TRPM2: variants seen among roughly 807,000 people sequenced by gnomAD.
TRPM2 encodes the protein transient receptor potential cation channel subfamily M member 2, also known as estrogen-responsive element-associated gene 1 protein.
A neutral mutation model predicts 174.0 loss-of-function variants in TRPM2; 161 were observed. The observed-to-expected ratio is 0.93, with a 90% CI of 0.81 to 1.05. The LOEUF is 1.05. TRPM2 is among the 50% of genes least tolerant of loss of function. The pLI is 0.00. For synonymous variants in TRPM2, 954 were observed against 861.3 expected, an observed-to-expected ratio of 1.11 and a Z score of -1.88; for missense variants, 2,057 against 2,038.0, an observed-to-expected ratio of 1.01 and a Z score of -0.18.
In TRPM2 at chr21:44,441,976, G is replaced by A; in HGVS notation, c.*159G>A. 3 of 1,102,472 alleles carry A rather than the reference G, an allele frequency of 2.7e-6. No homozygotes were observed. The highest frequency in any genetic ancestry group is 3.6e-6 in the Non-Finnish European group (3 of 826,898). The allele number at this position is 1,102,472 out of a possible 1,614,324, so 68.3% of individuals were successfully genotyped here. On this transcript the variant is annotated 3_prime_UTR_variant, in exon 32 of 32. Transcript: ENST00000397928. ...CCCTCACGGCTGCCGCAAGTCTGCT[G>A]CAGATGACCTCATGAACTGGAAGGG...
chr21:44,425,772 A>G lies in TRPM2; in HGVS notation c.3740A>G (p.Tyr1247Cys), dbSNP rs1327417593. Residue 1247 changes from tyrosine to cysteine, a missense_variant, in exon 25 of 32, where the codon TAC becomes TGC. Physicochemically the swap from Tyr to Cys is radical, Grantham distance 194. Transcript: ENST00000397928. ...SYHVNARHLL[Y>C]PNCPVTRFPV... ...CACGTGAATGCCCGGCACCTCCTCT[A>G]CCCCAACTGCCCTGTCACGCGCTTC... The G allele has an allele frequency of 6.3e-7, 1 of 1,597,010 alleles. No individual in the cohort carries two copies. The highest frequency in any genetic ancestry group is 8.6e-7 in the Non-Finnish European group (1 of 1,169,448).
At chr21:44,398,528 GTGGGTAGGGGGCC>G (rs991925777) in intron 13 of TRPM2, among the ~76,000 whole-genome samples, 158 of 152,224 alleles carry the variant, frequency 1.0e-3, no homozygotes, top group African/African-American at 3.4e-3. Context: ...GGATAATTTG[GTGGGTAGGGGGCC>G]AGGCAGCGGG....
intron 9 of TRPM2, among the ~76,000 whole-genome samples, chr21:44,389,040 C>T (rs1268303060): frequency 6.6e-6 from 1 of 152,298 alleles, no homozygotes; most frequent in Non-Finnish European, 1.5e-5. Flanking sequence ...CAGGACATCT[C>T]CCCTATCCTG....
At chr21:44,409,860 A>G (rs1236882113) in intron 19 of TRPM2, among the ~76,000 whole-genome samples, 173 of 121,264 alleles carry the variant, frequency 1.4e-3, no homozygotes, top group African/African-American at 5.2e-3. Context: ...TTTTGACCAC[A>G]CTGTCTTGGC....
At position 44,369,159 on chromosome 21, in the gene TRPM2, C is replaced by T. The variant is rs1459252977; in HGVS notation, c.605-18C>T. Reference sequence around the variant, plus strand: ...CCCTCAGTGCTGTGGGGCCTGCCCACCCGTGCTCCTTCCCCAGGGGCCTGG... The same window carrying T: ...CCCTCAGTGCTGTGGGGCCTGCCCATCCGTGCTCCTTCCCCAGGGGCCTGG... On this transcript the variant is annotated intron_variant, in intron 4 of 31. Coordinates refer to ENST00000397928, the MANE Select transcript of TRPM2 (RefSeq NM_003307.4). 2 of 1,586,952 alleles carry T rather than the reference C, an allele frequency of 1.3e-6. No homozygotes were observed. Among genetic ancestry groups the T allele is most frequent in the East Asian group, 4.5e-5 (2 of 44,246 alleles).
Position 44,386,915 on chromosome 21 carries a change from T to A in TRPM2, c.1319-3989T>A, listed in dbSNP as rs568583507. Reference sequence around the variant, plus strand: ...GTAAAGAAAGACATAGAGGGCTGGGTGTGGTGGCTCATGCCTGTAATCCCA... The same window carrying A: ...GTAAAGAAAGACATAGAGGGCTGGGAGTGGTGGCTCATGCCTGTAATCCCA... On this transcript the variant is annotated intron_variant, in intron 9 of 31. Transcript: ENST00000397928. Among the ~76,000 whole-genome samples the A allele has an allele frequency of 1.0e-3, 159 of 152,166 alleles. 3 individuals carry two copies. The South Asian group carries it at 0.023, about 22-fold the overall frequency.
At chr21:44,429,272 C>CTTTTTTTTTTTTTTTTTTTT (rs1601245878) in intron 27 of TRPM2, among the ~76,000 whole-genome samples, 1 of 62,342 alleles carries the variant, frequency 1.6e-5, no homozygotes, top group African/African-American at 5.7e-5. Flanking sequence ...ACATTTTTTT[C>CTTTTTTTTTTTTTTTTTTTT]TTTTTCTTTT....
At chr21:44,407,607 G>A (rs996034777) in intron 19 of TRPM2, among the ~76,000 whole-genome samples, 9 of 151,574 alleles carry the variant, frequency 5.9e-5, no homozygotes, top group African/African-American at 1.9e-4. Context: ...AGTCACTCCC[G>A]TTCCCCTCCC....
intron 19 of TRPM2, among the ~76,000 whole-genome samples, chr21:44,410,667 G>A (rs1315911769): frequency 4.2e-5 from 3 of 71,526 alleles, no homozygotes; most frequent in Non-Finnish European, 6.9e-5. Flanking sequence ...CTTGGTGAGC[G>A]TAGCCTTATA....
chr21:44,426,726 C>T lies in TRPM2; in HGVS notation c.3862C>T (p.Pro1288Ser), dbSNP rs1474908734. 1.2e-6 allele frequency: 2 copies of T among 1,613,896 alleles called. No homozygotes were observed. The highest frequency in any genetic ancestry group is 1.7e-5 in the Admixed American group (1 of 60,006). The change falls in exon 26 of 32, where the codon CCC becomes TCC. Residue 1288 changes from proline to serine, a missense_variant. Physicochemically the swap from Pro to Ser is moderately conservative, Grantham distance 74. Transcript: ENST00000397928. ...GAGGAAGGACGCGGCCGCCATGGAC[C>T]CCATGGGAGAGTGAGTATGAGCCGC... ...AERKDAAAMD[P>S]MGDTLEPLST...
chr21:44,407,297 T>A (rs138116760), intron 19 of TRPM2, among the ~76,000 whole-genome samples: 1 of 148,218 alleles, frequency 6.7e-6, no homozygotes, highest in African/African-American at 2.5e-5. Context: ...GGCTAATTTT[T>A]GTATTTTTTG....
intron 9 of TRPM2, among the ~76,000 whole-genome samples, chr21:44,384,552 C>G (rs2048968939): frequency 1.3e-5 from 2 of 152,128 alleles, no homozygotes; most frequent in South Asian, 4.1e-4. Context: ...ATAACTAACC[C>G]ACTCCCAAAA....
In TRPM2 at chr21:44,400,316, G is replaced by T; in HGVS notation, c.2266G>T (p.Val756Leu). Residue 756 changes from valine (V) to leucine (L), a missense_variant, in exon 15 of 32, where the codon GTG (valine) becomes TTG (leucine). Val to Leu is a conservative substitution (Grantham distance 32, BLOSUM62 1). Transcript: ENST00000397928. ...QLSVDNGLWR[V>L]TLCMLAFPLL... ...CTCCGTGGACAATGGGCTGTGGCGT[G>T]TGACCCTGTGCATGCTGGCCTTCCC... The T allele has an allele frequency of 1.9e-6, 3 of 1,612,908 alleles. No individual in the cohort carries two copies. The highest frequency in any genetic ancestry group is 2.5e-6 in the Non-Finnish European group (3 of 1,179,906).
rs1417191851 is a variant in TRPM2, at chr21:44,391,285, AC to A, written c.1458del (p.Thr487ArgfsTer2). On this transcript the variant is annotated frameshift_variant, in exon 11 of 32. Transcript: ENST00000397928. LOFTEE classifies it high-confidence loss of function. The surrounding 1 kb of genome is among the most constrained non-coding windows in gnomAD (Gnocchi z 5.0). ...GCTTGCTCTCAGCCTTCAGATCTGC[AC>A]CCCACGATGACAGCTGCACTCATCT... is the stretch of plus-strand genomic sequence containing the variant. ...DEWQWKPSDL[H>X]PTMTAALISN... 6.2e-7 allele frequency: 1 copy of A among 1,613,590 alleles called. No homozygotes were observed. The highest frequency in any genetic ancestry group is 1.1e-5 in the South Asian group (1 of 91,064).
chr21:44,353,479 C>T (rs527543555), upstream of TRPM2: 1 of 554,244 alleles, frequency 1.8e-6, no homozygotes, highest in Admixed American at 4.6e-5. Flanking sequence ...GGACACAGCT[C>T]AGGCAGCTGG....
chr21:44,399,590 T>A lies in TRPM2; in HGVS notation c.2208+149T>A. Reference sequence around the variant, plus strand: ...GACAGCGCCTGACCCCTCGGCCACCTGCTCCAGGCTCTGGCCTCCCATTTT... The same window carrying A: ...GACAGCGCCTGACCCCTCGGCCACCAGCTCCAGGCTCTGGCCTCCCATTTT... On this transcript the variant is annotated intron_variant, in intron 14 of 31. Coordinates refer to ENST00000397928, the MANE Select transcript of TRPM2 (RefSeq NM_003307.4). The surrounding 1 kb of genome is among the most constrained non-coding windows in gnomAD (Gnocchi z 4.6). The A allele has an allele frequency of 9.0e-7, 1 of 1,106,304 alleles. No individual in the cohort carries two copies. Among genetic ancestry groups the A allele is most frequent in the Non-Finnish European group, 1.2e-6 (1 of 824,628 alleles). 68.5% of individuals were successfully genotyped at this position (1,106,304 alleles called of 1,614,324 possible).
chr21:44,352,865 C>A (rs1294401659), upstream of TRPM2, among the ~76,000 whole-genome samples: 1 of 152,200 alleles, frequency 6.6e-6, no homozygotes, highest in African/African-American at 2.4e-5. Context: ...CCCAAAACTT[C>A]CTTTCTAGGC....
At position 44,401,964 on chromosome 21, in the gene TRPM2, GA is replaced by G. The variant is rs2049636003; in HGVS notation, c.2538+68del. Reference sequence around the variant, plus strand: ...CCCACTTGGCTGCATTCTCATAGGGGACCCATGGCTTAGAGCCCACCCCATC... The same window carrying G: ...CCCACTTGGCTGCATTCTCATAGGGGCCCATGGCTTAGAGCCCACCCCATC... On this transcript the variant is annotated intron_variant, in intron 16 of 31. Transcript: ENST00000397928. 4 of 1,574,350 alleles carry G rather than the reference GA, an allele frequency of 2.5e-6. No homozygotes were observed. The Admixed American group carries it at 6.7e-5, about 26-fold the overall frequency.
chr21:44,408,865 C>T (rs968907049), intron 19 of TRPM2, among the ~76,000 whole-genome samples: 1 of 151,866 alleles, frequency 6.6e-6, no homozygotes, highest in African/African-American at 2.4e-5. Context: ...ACCATGTTGG[C>T]CAGGCTGGTC....
Sources: gnomAD v4.1 joint callset for allele counts (sites outside exome capture counted in the v4.1 genomes callset) on GRCh38, gnomAD v4.1.1 for gene constraint, Gnocchi (gnomAD v3.1) non-coding constraint, MANE v1.5 for transcripts, NCBI Gene and HGNC (gene_info 2026-07-23, HGNC 2026-07-21) for gene names.